RFTN1: variants seen among roughly 807,000 people sequenced by gnomAD.
The protein encoded by RFTN1 is raftlin.
In RFTN1, 26 loss-of-function variants were observed where a neutral mutation model predicts 46.5. That is an observed-to-expected ratio of 0.56 (90% CI 0.41 to 0.78). The LOEUF (loss-of-function observed/expected upper bound fraction) is 0.78, where lower values mean the gene tolerates loss of function less well. RFTN1 is among the 30% of genes least tolerant of loss of function. RFTN1 has a pLI of 0.00. For synonymous variants in RFTN1, 261 were observed against 284.2 expected, an observed-to-expected ratio of 0.92 and a Z score of 0.82; for missense variants, 693 against 718.7, an observed-to-expected ratio of 0.96 and a Z score of 0.41.
rs2068571492 is a variant in RFTN1, at chr3:16,317,736, C to T, written c.1333-504G>A. ...ACACTGTGCTGTACCGCTCAGATCCCCCCACAGGACTGGCGGGCCCGCTCC... is the reference window on the plus strand; with the variant it reads ...ACACTGTGCTGTACCGCTCAGATCCTCCCACAGGACTGGCGGGCCCGCTCC... On this transcript the variant is annotated intron_variant, in intron 9 of 9. Coordinates refer to ENST00000334133, the MANE Select transcript of RFTN1 (RefSeq NM_015150.2). This position sits in a 1 kb window ranked among gnomAD's most constrained non-coding sequence, Gnocchi z 4.3. 6.6e-6 allele frequency among the ~76,000 whole-genome samples: 1 copy of T among 151,124 alleles called. No individual in the cohort carries two copies. Among genetic ancestry groups the T allele is most frequent in the African/African-American group, 2.5e-5 (1 of 40,522 alleles).
rs1008742554 is a variant in RFTN1 at position 16,479,696 on chromosome 3, G to C, written c.145+14029C>G. Among the ~76,000 whole-genome samples the C allele has an allele frequency of 7.9e-5, 12 of 152,230 alleles. No homozygotes were observed. The highest frequency in any genetic ancestry group is 2.7e-4 in the African/African-American group (11 of 41,460). ...TTAAAAGTTCAGCCTGTTGGCATCA[G>C]CAGCCCTGATGAGTCCACTCACCCC... On this transcript the variant is annotated intron_variant, in intron 2 of 9. Transcript: ENST00000334133. This position sits in a 1 kb window ranked among gnomAD's most constrained non-coding sequence, Gnocchi z 5.1.
chr3:16,324,797 C>G (rs2069531082), intron 8 of RFTN1, among the ~76,000 whole-genome samples: 1 of 151,886 alleles, frequency 6.6e-6, no homozygotes. Context: ...AAATGCAGAT[C>G]CCTCTTCTGC....
At position 16,428,965 on chromosome 3, in the gene RFTN1, T is replaced by C. The variant is rs2075335709; in HGVS notation, c.332+4886A>G. 6.6e-6 allele frequency among the ~76,000 whole-genome samples: 1 copy of C among 152,234 alleles called. No homozygotes were observed. The highest frequency in any genetic ancestry group is 6.5e-5 in the Admixed American group (1 of 15,272). On this transcript the variant is annotated intron_variant, in intron 3 of 9. Transcript: ENST00000334133. The surrounding 1 kb of genome is among the most constrained non-coding windows in gnomAD (Gnocchi z 4.7). ...AGAGTGAGTGCAACTATATTGTCTA[T>C]TAAAAATCACTAAGTGTTCCAAAGA...
intron 2 of RFTN1, among the ~76,000 whole-genome samples, chr3:16,439,345 A>T (rs1343136020): frequency 2.0e-5 from 3 of 152,172 alleles, no homozygotes; most frequent in African/African-American, 7.2e-5. Context: ...TCTGTTTCTC[A>T]CCCTACTTAT....
rs2070648085 is a variant in RFTN1 at position 16,334,357 on chromosome 3, A to G, written c.1147-7481T>C. The stretch of plus-strand genomic sequence containing the variant: ...CCCTCCTGGAGAACAGTTTGACAGT[A>G]TCTTTCAAAATTACAAACACATTTT... On this transcript the variant is annotated intron_variant, in intron 7 of 9. Transcript: ENST00000334133. This position sits in a 1 kb window ranked among gnomAD's most constrained non-coding sequence, Gnocchi z 4.3. Among the ~76,000 whole-genome samples, 1 of 152,204 alleles carries G rather than the reference A, an allele frequency of 6.6e-6. No homozygotes were observed. Among genetic ancestry groups the G allele is most frequent in the Admixed American group, 6.5e-5 (1 of 15,286 alleles).
intron 7 of RFTN1, among the ~76,000 whole-genome samples, chr3:16,328,308 C>T (rs908662109): frequency 7.2e-5 from 11 of 152,204 alleles, no homozygotes; most frequent in Admixed American, 1.3e-4. Flanking sequence ...AGAGGCAGCG[C>T]GCGTGACCAT....
rs2125330074 is a variant in RFTN1 at position 16,356,679 on chromosome 3, T to TGTCTA, written c.1146+1248_1146+1252dup. Among the ~76,000 whole-genome samples the TGTCTA allele has an allele frequency of 6.6e-6, 1 of 152,322 alleles. No individual in the cohort carries two copies. The highest frequency in any genetic ancestry group is 2.1e-4 in the South Asian group (1 of 4,830). On this transcript the variant is annotated intron_variant, in intron 7 of 9. Transcript: ENST00000334133. This position sits in a 1 kb window ranked among gnomAD's most constrained non-coding sequence, Gnocchi z 4.9. ...GCACAAGGGTGTGGCAAGCACTGGC[T>TGTCTA]GTCTAGAGGGTCCCAGTGCCCCACA...
chr3:16,433,943 C>T lies in RFTN1; in HGVS notation c.240G>A (p.Ala80=), dbSNP rs200870463. 2.2e-5 allele frequency: 35 copies of T among 1,614,106 alleles called. No homozygotes were observed. Among genetic ancestry groups the T allele is most frequent in the African/African-American group, 1.7e-4 (13 of 75,044 alleles). Residue 80 remains alanine (A), a synonymous_variant, in exon 3 of 10, where the codon GCG becomes GCA. Transcript: ENST00000334133. This position sits in a 1 kb window ranked among gnomAD's most constrained non-coding sequence, Gnocchi z 4.4. ...TGGGCTGCACGAAGGGGTGCAGGGC[C>T]GCCAGCGAGAAGCCCTGCTGGTACA... ...LELYQQGFSL[A]ALHPFVQPTH...
Position 16,376,003 on chromosome 3 carries a change from C to T in RFTN1, c.826+1715G>A, listed in dbSNP as rs1283540273. 6.6e-6 allele frequency among the ~76,000 whole-genome samples: 1 copy of T among 152,142 alleles called. No homozygotes were observed. The highest frequency in any genetic ancestry group is 1.5e-5 in the Non-Finnish European group (1 of 68,032). On this transcript the variant is annotated intron_variant, in intron 5 of 9. Coordinates refer to ENST00000334133, the MANE Select transcript of RFTN1 (RefSeq NM_015150.2). The surrounding 1 kb of genome is among the most constrained non-coding windows in gnomAD (Gnocchi z 4.7). Reference sequence around the variant, plus strand: ...CGGAAGTTCCTTGGACAAGTTTCCCCAGTGAATAATCCTCTCACAGGAGGC... The same window carrying T: ...CGGAAGTTCCTTGGACAAGTTTCCCTAGTGAATAATCCTCTCACAGGAGGC...
At chr3:16,415,663 A>G (rs549892294) in intron 3 of RFTN1, among the ~76,000 whole-genome samples, 2 of 152,130 alleles carry the variant, frequency 1.3e-5, no homozygotes, top group Admixed American at 1.3e-4. Context: ...ACAAACAGCC[A>G]AGGAGCTAAA....
chr3:16,331,265 T>C (rs1575003943), intron 7 of RFTN1, among the ~76,000 whole-genome samples: 1 of 152,248 alleles, frequency 6.6e-6, no homozygotes, highest in Non-Finnish European at 1.5e-5. Context: ...ACTGGCAGGG[T>C]GTGCTTATAC....
chr3:16,409,994 A>T (rs1446963035), intron 3 of RFTN1, among the ~76,000 whole-genome samples: 1 of 147,274 alleles, frequency 6.8e-6, no homozygotes, highest in Non-Finnish European at 1.5e-5. Context: ...GACGCAGAAT[A>T]TTTTTTTTTT....
At chr3:16,503,208 A>G (rs1474691675) in intron 1 of RFTN1, among the ~76,000 whole-genome samples, 1 of 152,188 alleles carries the variant, frequency 6.6e-6, no homozygotes, top group Non-Finnish European at 1.5e-5. Context: ...GCTCCCACTC[A>G]GAACCTGCTA....
intron 8 of RFTN1, among the ~76,000 whole-genome samples, chr3:16,324,582 C>T (rs998275407): frequency 1.4e-5 from 2 of 147,458 alleles, no homozygotes; most frequent in Non-Finnish European, 3.0e-5. Context: ...CTTCCAGGCT[C>T]ATCCTTGTAA....
rs1426576444 is a variant in RFTN1 at position 16,468,532 on chromosome 3, C to T, written c.145+25193G>A. ...AGATGCCTTTTCATATCTTTGCTAT[C>T]TTTAGATTAGATGCTTAATGCATAA... On this transcript the variant is annotated intron_variant, in intron 2 of 9. Transcript: ENST00000334133. The surrounding 1 kb of genome is among the most constrained non-coding windows in gnomAD (Gnocchi z 4.4). Among the ~76,000 whole-genome samples the T allele has an allele frequency of 6.6e-6, 1 of 150,886 alleles. No individual in the cohort carries two copies. The highest frequency in any genetic ancestry group is 6.6e-5 in the Admixed American group (1 of 15,072).
chr3:16,321,451 G>C lies in RFTN1; in HGVS notation c.1332+1925C>G, dbSNP rs2069044735. Among the ~76,000 whole-genome samples the C allele has an allele frequency of 1.3e-5, 2 of 152,170 alleles. No homozygotes were observed. Among genetic ancestry groups the C allele is most frequent in the Non-Finnish European group, 1.5e-5 (1 of 68,022 alleles). On this transcript the variant is annotated intron_variant, in intron 9 of 9. Coordinates refer to ENST00000334133, the MANE Select transcript of RFTN1 (RefSeq NM_015150.2). The surrounding 1 kb of genome is among the most constrained non-coding windows in gnomAD (Gnocchi z 4.8). The stretch of plus-strand genomic sequence containing the variant: ...ATCCGGGCTGCAAGAGCTCAGGCAT[G>C]ATGAGGACTAGATGGAGTGACTCTC...
Position 16,387,701 on chromosome 3 carries a change from G to C in RFTN1, c.442-9599C>G, listed in dbSNP as rs1486996087. On this transcript the variant is annotated intron_variant, in intron 4 of 9. Transcript: ENST00000334133. This position sits in a 1 kb window ranked among gnomAD's most constrained non-coding sequence, Gnocchi z 5.2. ...GGAAAGAATCCAACCAACAATAGAA[G>C]TAAGCAAGCCTCGTCCACCCACCCG... 6.6e-6 allele frequency among the ~76,000 whole-genome samples: 1 copy of C among 150,930 alleles called. No individual in the cohort carries two copies. The highest frequency in any genetic ancestry group is 2.4e-5 in the African/African-American group (1 of 40,938).
At position 16,448,721 on chromosome 3, in the gene RFTN1, G is replaced by T. The variant is rs1385491505; in HGVS notation, c.146-14684C>A. Among the ~76,000 whole-genome samples, 1 of 152,162 alleles carries T rather than the reference G, an allele frequency of 6.6e-6. No individual in the cohort carries two copies. Among genetic ancestry groups the T allele is most frequent in the South Asian group, 2.1e-4 (1 of 4,814 alleles). ...CTTCTAAAATGTTTACCTCTCAGGA[G>T]CCACTGCGTTCCCGACCTTCTTCTG... On this transcript the variant is annotated intron_variant, in intron 2 of 9. Transcript: ENST00000334133. The surrounding 1 kb of genome is among the most constrained non-coding windows in gnomAD (Gnocchi z 4.1).
Position 16,345,105 on chromosome 3 carries a change from T to G in RFTN1, c.1146+12827A>C, listed in dbSNP as rs866691323. On this transcript the variant is annotated intron_variant, in intron 7 of 9. Coordinates refer to ENST00000334133, the MANE Select transcript of RFTN1 (RefSeq NM_015150.2). The surrounding 1 kb of genome is among the most constrained non-coding windows in gnomAD (Gnocchi z 5.2). ...GCAACCACAAGGCCAACAACCTAAG[T>G]GAGCTTGGAAGTGGATTCTTCCCCA... 1.2e-4 allele frequency: 19 copies of G among 152,356 alleles called. No individual in the cohort carries two copies. Among genetic ancestry groups the G allele is most frequent in the African/African-American group, 4.3e-4 (18 of 41,566 alleles). The allele number at this position is 152,356 out of a possible 1,614,324, so 9.4% of individuals were successfully genotyped here.
Sources: allele counts gnomAD v4.1 joint callset (sites outside exome capture counted in the v4.1 genomes callset), GRCh38; gene constraint gnomAD v4.1.1; non-coding constraint Gnocchi (gnomAD v3.1); transcripts MANE v1.5; gene names NCBI Gene and HGNC (gene_info 2026-07-23, HGNC 2026-07-21).